The following PTPRN2 variants were observed in gnomAD, a reference collection of about 807,000 sequenced individuals.
PTPRN2 encodes the protein receptor-type tyrosine-protein phosphatase N2.
A neutral mutation model predicts 118.8 loss-of-function variants in PTPRN2; 74 were observed. The ratio of observed to expected loss-of-function variants is 0.62; its 90% CI spans 0.52 to 0.76. The LOEUF (loss-of-function observed/expected upper bound fraction) is 0.76. Among genes scored for constraint, PTPRN2 ranks in the 30% least tolerant of loss-of-function variants. The pLI, the probability that PTPRN2 is intolerant of heterozygous loss-of-function variation, is 0.00. For synonymous variants in PTPRN2, 641 were observed against 608.0 expected (o/e 1.05, Z -0.80); for missense variants, 1,481 against 1,394.4 (o/e 1.06, Z -0.99).
rs1351298018 is a variant in PTPRN2 at position 157,587,548 on chromosome 7, CA to C, written c.2496+7689del. On this transcript the variant is annotated intron_variant, in intron 17 of 22. Coordinates refer to ENST00000389418, the MANE Select transcript of PTPRN2 (RefSeq NM_002847.5). This position sits in a 1 kb window ranked among gnomAD's most constrained non-coding sequence, Gnocchi z 5.3. Reference sequence around the variant, plus strand: ...TTGGAAATGAGAAAACATATCCCCCCAGCTGAGGCTTCATCACAGAATACTT... The same window carrying C: ...TTGGAAATGAGAAAACATATCCCCCCGCTGAGGCTTCATCACAGAATACTT... Among the ~76,000 whole-genome samples, 1 of 152,244 alleles carries C rather than the reference CA, an allele frequency of 6.6e-6. No homozygotes were observed. Among genetic ancestry groups the C allele is most frequent in the Admixed American group, 6.5e-5 (1 of 15,288 alleles).
chr7:157,677,272 A>AT (rs947077703), intron 13 of PTPRN2, among the ~76,000 whole-genome samples: 250 of 150,652 alleles, frequency 1.7e-3, no homozygotes, highest in Middle Eastern at 6.9e-3. Flanking sequence ...AGACTTTCCA[A>AT]TTTTTTTTTT....
chr7:158,552,375 A>C (rs1048189881), intron 1 of PTPRN2, among the ~76,000 whole-genome samples: 3 of 152,256 alleles, frequency 2.0e-5, no homozygotes, highest in African/African-American at 7.2e-5. Context: ...CAGCCTGAGA[A>C]GATCAGTGAG....
intron 2 of PTPRN2, among the ~76,000 whole-genome samples, chr7:158,345,998 A>G (rs530129922): frequency 4.6e-5 from 7 of 152,288 alleles, no homozygotes; most frequent in South Asian, 4.2e-4. Flanking sequence ...TCCCTCCCCA[A>G]CGCTGGGGAT....
intron 5 of PTPRN2, among the ~76,000 whole-genome samples, chr7:158,173,949 G>A (rs1460265350): frequency 1.3e-5 from 2 of 152,056 alleles, no homozygotes; most frequent in African/African-American, 2.4e-5. Context: ...ATTTCATATT[G>A]TTCAAACACA....
intron 3 of PTPRN2, among the ~76,000 whole-genome samples, chr7:158,300,224 G>A (rs1381291428): frequency 6.6e-6 from 1 of 152,126 alleles, no homozygotes; most frequent in Non-Finnish European, 1.5e-5. Flanking sequence ...AATTATGAGG[G>A]ATGGGCCCAC....
chr7:158,492,537 C>T (rs1821535110), intron 1 of PTPRN2, among the ~76,000 whole-genome samples: 1 of 152,208 alleles, frequency 6.6e-6, no homozygotes, highest in Admixed American at 6.5e-5. Context: ...TGTGCCCAAC[C>T]TGATTCGTTA....
Position 158,331,212 on chromosome 7 carries a change from C to G in PTPRN2, c.164-14280G>C, listed in dbSNP as rs1178756706. Among the ~76,000 whole-genome samples the G allele has an allele frequency of 2.1e-4, 26 of 123,652 alleles. 1 individual carries two copies. Among genetic ancestry groups the G allele is most frequent in the African/African-American group, 4.2e-4 (15 of 35,750 alleles). 81.1% of individuals were successfully genotyped at this position (123,652 alleles called of 152,430 possible). On this transcript the variant is annotated intron_variant, in intron 2 of 22. Coordinates refer to ENST00000389418, the MANE Select transcript of PTPRN2 (RefSeq NM_002847.5). ...CGCAGACGTCACTCACACCCACACT[C>G]TCACCATAAGAGCTGACGCCCGCAG...
At chr7:157,673,572 C>T (rs1426742792) in intron 13 of PTPRN2, among the ~76,000 whole-genome samples, 1 of 152,036 alleles carries the variant, frequency 6.6e-6, no homozygotes, top group Non-Finnish European at 1.5e-5. Flanking sequence ...GAAGCCCCTC[C>T]ATTTCCCTTG....
intron 13 of PTPRN2, among the ~76,000 whole-genome samples, chr7:157,672,166 C>T (rs907876252): frequency 7.9e-5 from 12 of 152,064 alleles, no homozygotes; most frequent in African/African-American, 2.9e-4. Context: ...TCTGAAAACC[C>T]CCCCTGGAGA....
In PTPRN2 at chr7:157,615,529, G is replaced by A. The variant is rs1336679000; in HGVS notation, c.2344+5833C>T. 15 of 471,098 alleles carry A rather than the reference G, an allele frequency of 3.2e-5. No homozygotes were observed. Among genetic ancestry groups the A allele is most frequent in the African/African-American group, 8.0e-5 (4 of 50,094 alleles). The allele number at this position is 471,098 out of a possible 1,614,324, so 29.2% of individuals were successfully genotyped here. On this transcript the variant is annotated intron_variant, in intron 15 of 22. Coordinates refer to ENST00000389418, the MANE Select transcript of PTPRN2 (RefSeq NM_002847.5). This position sits in a 1 kb window ranked among gnomAD's most constrained non-coding sequence, Gnocchi z 4.3. ...TGGGGACGGCTGGGGTGACCCCATC[G>A]CAAGGCCGGGCCGTGGAAACAATCT...
chr7:157,755,015 AG>A (rs1801696504), intron 12 of PTPRN2, among the ~76,000 whole-genome samples: 1 of 152,188 alleles, frequency 6.6e-6, no homozygotes, highest in Non-Finnish European at 1.5e-5. Flanking sequence ...CCTCCTGAGG[AG>A]CTGGGACTAT....
chr7:158,392,674 G>A (rs1812031688), intron 2 of PTPRN2, among the ~76,000 whole-genome samples: 1 of 152,178 alleles, frequency 6.6e-6, no homozygotes, highest in Non-Finnish European at 1.5e-5. Context: ...TTCACCAACT[G>A]CGAAGACACA....
At chr7:157,772,358 TAC>T (rs565086651) in intron 12 of PTPRN2, among the ~76,000 whole-genome samples, 3 of 143,422 alleles carry the variant, frequency 2.1e-5, no homozygotes, top group African/African-American at 7.8e-5. Context: ...CACACACACA[TAC>T]ACACAGACAC....
intron 14 of PTPRN2, among the ~76,000 whole-genome samples, chr7:157,645,469 A>T (rs951841432): frequency 5.3e-5 from 8 of 152,238 alleles, no homozygotes; most frequent in Admixed American, 4.6e-4. Context: ...ATCAAAATAA[A>T]CAATAAGCAT....
chr7:158,110,906 G>A lies in PTPRN2; in HGVS notation c.1566C>T (p.Arg522=). 1.3e-6 allele frequency: 2 copies of A among 1,565,232 alleles called. No homozygotes were observed. Among genetic ancestry groups the A allele is most frequent in the Non-Finnish European group, 1.7e-6 (2 of 1,156,082 alleles). ...GYIVTDRDPL[R]PEEGRRLVED... ...CCACCAGCCGCCTTCCTTCCTCGGG[G>A]CGCAGGGGGCTGCGGATGACAGCAG... Residue 522 remains arginine (R), a synonymous_variant, in exon 10 of 23, where the codon CGC becomes CGT. Transcript: ENST00000389418.
At position 158,033,292 on chromosome 7, in the gene PTPRN2, G is replaced by A. The variant is rs192971557; in HGVS notation, c.1723+48006C>T. On this transcript the variant is annotated intron_variant, in intron 11 of 22. Coordinates refer to ENST00000389418, the MANE Select transcript of PTPRN2 (RefSeq NM_002847.5). ...TGGGCAGTGGAGGAGGATGTGGGAC[G>A]AGAGAATGAGGAAGAAACGAGTCGG... 2.4e-3 allele frequency among the ~76,000 whole-genome samples: 358 copies of A among 152,274 alleles called. 2 individuals are homozygous for A. The highest frequency in any genetic ancestry group is 7.7e-3 in the African/African-American group (322 of 41,582).
At chr7:158,430,328 C>T (rs771954386) in intron 2 of PTPRN2, among the ~76,000 whole-genome samples, 5 of 152,226 alleles carry the variant, frequency 3.3e-5, no homozygotes, top group Non-Finnish European at 7.3e-5. Context: ...TGAGGGAGAG[C>T]AGCCTGCTGG....
intron 3 of PTPRN2, among the ~76,000 whole-genome samples, chr7:158,284,347 G>A (rs1438344614): frequency 2.0e-5 from 3 of 152,092 alleles, no homozygotes; most frequent in African/African-American, 7.2e-5. Flanking sequence ...CCGGGCACTG[G>A]GCACTGTGTG....
chr7:158,539,557 C>T (rs559344987), intron 1 of PTPRN2: 34 of 159,708 alleles, frequency 2.1e-4, no homozygotes, highest in Non-Finnish European at 4.2e-4. Flanking sequence ...GGTGTGGGTT[C>T]AGCCATAACC....
Sources: gnomAD v4.1 joint callset for allele counts (sites outside exome capture counted in the v4.1 genomes callset) on GRCh38, gnomAD v4.1.1 for gene constraint, Gnocchi (gnomAD v3.1) non-coding constraint, MANE v1.5 for transcripts, NCBI Gene and HGNC (gene_info 2026-07-23, HGNC 2026-07-21) for gene names.